The following EYA1 variants were observed in gnomAD, a reference collection of about 807,000 sequenced individuals.
EYA1 encodes EYA transcriptional coactivator and phosphatase 1, also known as protein phosphatase EYA1.
EYA1 carries 16 observed loss-of-function variants against 82.0 expected under a neutral mutation model. The observed-to-expected ratio is 0.20, with a 90% CI of 0.13 to 0.30. The LOEUF is 0.30. Among genes scored for constraint, EYA1 ranks in the 10% least tolerant of loss-of-function variants. EYA1 has a pLI of 1.00. For synonymous variants in EYA1, 261 were observed against 264.4 expected (o/e 0.99, Z 0.12); for missense variants, 633 against 730.7 (o/e 0.87, Z 1.54).
intron 2 of EYA1, among the ~76,000 whole-genome samples, chr8:71,382,336 C>T (rs1212284707): frequency 6.6e-6 from 1 of 152,052 alleles, no homozygotes; most frequent in African/African-American, 2.4e-5. Context: ...CTAAAATATA[C>T]ACCAATTTGT....
chr8:71,216,961 T>G lies in EYA1; in HGVS notation c.1199+4A>C. 6.2e-7 allele frequency: 1 copy of G among 1,613,372 alleles called. No individual in the cohort carries two copies. Among genetic ancestry groups the G allele is most frequent in the Non-Finnish European group, 8.5e-7 (1 of 1,179,290 alleles). On this transcript the variant is annotated splice_donor_region_variant and intron_variant, in intron 13 of 17. Transcript: ENST00000340726. Reference sequence around the variant, plus strand: ...ATGGTCACTTCACATTCAAGGGTGCTCACCTTAGGTCCTGTCCGTTATCAT... The same window carrying G: ...ATGGTCACTTCACATTCAAGGGTGCGCACCTTAGGTCCTGTCCGTTATCAT...
intron 17 of EYA1, among the ~76,000 whole-genome samples, chr8:71,201,284 A>G (rs529148322): frequency 6.6e-6 from 1 of 150,994 alleles, no homozygotes; most frequent in South Asian, 2.1e-4. Flanking sequence ...ACAGAGGTTT[A>G]AATAAATAGC....
intron 2 of EYA1, among the ~76,000 whole-genome samples, chr8:71,465,530 G>T: frequency 6.6e-6 from 1 of 152,150 alleles, no homozygotes; most frequent in East Asian, 1.9e-4. Context: ...GGCTGAGGCA[G>T]AAGAATCTCT....
At chr8:71,333,893 A>C (rs1443281451) in intron 4 of EYA1, among the ~76,000 whole-genome samples, 1 of 152,222 alleles carries the variant, frequency 6.6e-6, no homozygotes, top group African/African-American at 2.4e-5. Flanking sequence ...ACATTTCAGC[A>C]ACCACTTCTT....
intron 9 of EYA1, among the ~76,000 whole-genome samples, chr8:71,277,699 C>A (rs1289671209): frequency 6.6e-6 from 1 of 152,134 alleles, no homozygotes; most frequent in Non-Finnish European, 1.5e-5. Flanking sequence ...GAAAACAGAA[C>A]ACAGTGGTAT....
At position 71,420,588 on chromosome 8, in the gene EYA1, C is replaced by T. The variant is rs188936778; in HGVS notation, c.34-64077G>A. On this transcript the variant is annotated intron_variant, in intron 2 of 18. Coordinates refer to the EYA1 transcript ENST00000643681. ...TGCTGTAGAGTCAGGTCAGATCTGG[C>T]GCTAAGTGAAAGTAATAATGGATAC... 4.6e-5 allele frequency among the ~76,000 whole-genome samples: 7 copies of T among 152,102 alleles called. No homozygotes were observed. The East Asian group carries it at 1.2e-3, about 25-fold the overall frequency.
chr8:71,254,319 T>C (rs1055168781), intron 11 of EYA1, among the ~76,000 whole-genome samples: 52 of 147,388 alleles, frequency 3.5e-4, no homozygotes, highest in African/African-American at 1.3e-3. Flanking sequence ...AGCTATCAGA[T>C]TGTAGGAAAT....
chr8:71,360,605 T>C (rs1236240760), intron 1 of EYA1, among the ~76,000 whole-genome samples: 1 of 152,152 alleles, frequency 6.6e-6, no homozygotes, highest in Non-Finnish European at 1.5e-5. Flanking sequence ...ATGCAGAAAG[T>C]CAAATATCAA....
At chr8:71,460,802 A>G (rs556310512) in intron 2 of EYA1, among the ~76,000 whole-genome samples, 2 of 152,338 alleles carry the variant, frequency 1.3e-5, no homozygotes, top group African/African-American at 4.8e-5. Context: ...AGAGACTTAG[A>G]CAGCTCGACT....
At chr8:71,523,280 G>A (rs1813566626) in intron 2 of EYA1, among the ~76,000 whole-genome samples, 2 of 143,108 alleles carry the variant, frequency 1.4e-5, no homozygotes, top group African/African-American at 5.2e-5. Context: ...CCAGGTTCAC[G>A]CCATTCTCCT....
chr8:71,219,833 G>A (rs1313811126), intron 12 of EYA1, among the ~76,000 whole-genome samples: 1 of 152,116 alleles, frequency 6.6e-6, no homozygotes, highest in African/African-American at 2.4e-5. Context: ...CCTCTTCTGT[G>A]GGGAGAAACT....
At chr8:71,422,443 C>T (rs1297268174) in intron 2 of EYA1, among the ~76,000 whole-genome samples, 1 of 152,198 alleles carries the variant, frequency 6.6e-6, no homozygotes, top group African/African-American at 2.4e-5. Context: ...ATAGAAAGTG[C>T]AATGCCCTCG....
intron 16 of EYA1, 73 bp from the exon 17 acceptor site, chr8:71,211,329 T>C (rs760776336): frequency 3.2e-6 from 3 of 951,434 alleles, no homozygotes; most frequent in Non-Finnish European, 5.1e-6. Flanking sequence ...GAACTTTTTA[T>C]ATAAAATGCT....
chr8:71,282,296 C>A (rs575379833), intron 9 of EYA1, among the ~76,000 whole-genome samples: 3 of 152,304 alleles, frequency 2.0e-5, no homozygotes, highest in African/African-American at 7.2e-5. Context: ...GCCTAAAAAG[C>A]ATCTTCCACT....
chr8:71,356,522 G>T lies in EYA1; in HGVS notation c.-54-11C>A. 1.3e-6 allele frequency: 2 copies of T among 1,564,776 alleles called. No homozygotes were observed. The highest frequency in any genetic ancestry group is 1.7e-6 in the Non-Finnish European group (2 of 1,154,026). ...TTGAGATGTTTGCACCTGTGATCAG[G>T]GGTAAAAAAATTAGAAGATGTTGTT... On this transcript the variant is annotated splice_polypyrimidine_tract_variant and intron_variant, in intron 1 of 17. Transcript: ENST00000340726.
intron 2 of EYA1, chr8:71,404,033 G>C: frequency 6.6e-6 from 1 of 152,182 alleles, no homozygotes. Flanking sequence ...TGATTGTTGT[G>C]GTCAGTTTGA....
chr8:71,419,077 A>G (rs1289128149), intron 2 of EYA1, among the ~76,000 whole-genome samples: 1 of 152,162 alleles, frequency 6.6e-6, no homozygotes, highest in Non-Finnish European at 1.5e-5. Flanking sequence ...GAATATGCAG[A>G]GCCTTCTGGC....
chr8:71,203,778 AT>A (rs1807380924), intron 17 of EYA1, among the ~76,000 whole-genome samples: 2 of 152,188 alleles, frequency 1.3e-5, no homozygotes, highest in Non-Finnish European at 2.9e-5. Flanking sequence ...TGGACCAAAG[AT>A]GTTTCTGGCT....
At chr8:71,524,669 G>A (rs1813680302) in intron 2 of EYA1, among the ~76,000 whole-genome samples, 1 of 152,062 alleles carries the variant, frequency 6.6e-6, no homozygotes, top group Non-Finnish European at 1.5e-5. Flanking sequence ...CATGAATTCT[G>A]GAATCCCTGA....
Sources: gnomAD v4.1 joint callset for allele counts (sites outside exome capture counted in the v4.1 genomes callset) on GRCh38, gnomAD v4.1.1 for gene constraint, MANE v1.5 for transcripts, NCBI Gene and HGNC (gene_info 2026-07-23, HGNC 2026-07-21) for gene names.